Variants in CALN1 observed in about 807,000 individuals in gnomAD.
CALN1 encodes the protein calneuron 1, also known as calcium-binding protein 8.
CALN1 carries 17 observed loss-of-function variants against 30.6 expected under a neutral mutation model. The ratio of observed to expected loss-of-function variants is 0.56; its 90% CI spans 0.38 to 0.83. The LOEUF (loss-of-function observed/expected upper bound fraction) is 0.83, where lower values mean the gene tolerates loss of function less well. CALN1 is among the 40% of genes least tolerant of loss of function. The pLI, the probability that CALN1 is intolerant of heterozygous loss-of-function variation, is 0.00. For synonymous variants in CALN1, 156 were observed against 131.4 expected (o/e 1.19, Z -1.28); for missense variants, 291 against 354.9 (o/e 0.82, Z 1.45).
At chr7:71,972,572 T>C (rs146019017) in intron 5 of CALN1, among the ~76,000 whole-genome samples, 2 of 152,320 alleles carry the variant, frequency 1.3e-5, no homozygotes, top group Non-Finnish European at 2.9e-5. Context: ...TGGTATTTTG[T>C]CGCAAGTGAT....
At chr7:71,911,443 G>T (rs747442448) in intron 5 of CALN1, among the ~76,000 whole-genome samples, 7 of 152,098 alleles carry the variant, frequency 4.6e-5, no homozygotes, top group African/African-American at 1.7e-4. Context: ...ATGTCCTTTA[G>T]TTTGTTTGAG....
intron 1 of CALN1, among the ~76,000 whole-genome samples, chr7:72,409,762 T>C (rs1467466317): frequency 1.3e-5 from 2 of 152,080 alleles, no homozygotes; most frequent in African/African-American, 4.8e-5. Context: ...CATGGAACAG[T>C]GGTTCCCAGG....
At chr7:71,982,220 G>C (rs925755522) in intron 5 of CALN1, among the ~76,000 whole-genome samples, 2 of 152,126 alleles carry the variant, frequency 1.3e-5, no homozygotes, top group African/African-American at 4.8e-5. Flanking sequence ...AAAAAATCAA[G>C]AAAAAATGAA....
intron 5 of CALN1, among the ~76,000 whole-genome samples, chr7:71,885,847 G>A (rs369609244): frequency 2.0e-5 from 3 of 152,298 alleles, no homozygotes; most frequent in East Asian, 1.9e-4. Flanking sequence ...CCTCTTTGGG[G>A]AGAAATTCAC....
chr7:71,923,452 T>C (rs926756711), intron 5 of CALN1, among the ~76,000 whole-genome samples: 8 of 152,178 alleles, frequency 5.3e-5, no homozygotes, highest in Non-Finnish European at 8.8e-5. Context: ...AAAACATTTG[T>C]GATTCATCCA....
intron 3 of CALN1, among the ~76,000 whole-genome samples, chr7:72,217,558 T>C (rs969332278): frequency 1.3e-5 from 2 of 151,900 alleles, no homozygotes; most frequent in Non-Finnish European, 2.9e-5. Flanking sequence ...GATGAAGAAA[T>C]GGGCCAGAAA....
intron 3 of CALN1, among the ~76,000 whole-genome samples, chr7:72,169,781 C>T (rs1208122526): frequency 2.0e-5 from 3 of 150,838 alleles, no homozygotes; most frequent in Non-Finnish European, 4.4e-5. Context: ...CTTCCACCTC[C>T]TGGGTTCAAG....
At chr7:71,951,895 G>C (rs916810722) in intron 5 of CALN1, among the ~76,000 whole-genome samples, 1 of 151,720 alleles carries the variant, frequency 6.6e-6, no homozygotes, top group Non-Finnish European at 1.5e-5. Context: ...CTGATGTCTT[G>C]CACTTTTTCT....
At chr7:72,452,634 C>G in the CALN1 span, among the ~76,000 whole-genome samples, 8 of 152,190 alleles carry the variant, frequency 5.3e-5, no homozygotes, top group Non-Finnish European at 1.0e-4. Context: ...CCAAATAAAC[C>G]TTTTCTTTAT....
rs187081012 is a variant in CALN1 at position 72,212,080 on chromosome 7, C to T, written c.244+66606G>A. ...TTAAATACCAGAGAGGGGCCGGGCA[C>T]GGTGACTCATGCCTGTAATCCCAGC... On this transcript the variant is annotated intron_variant, in intron 3 of 6. Coordinates refer to ENST00000395275, the MANE Select transcript of CALN1 (RefSeq NM_031468.4). Among the ~76,000 whole-genome samples, 47 of 152,152 alleles carry T rather than the reference C, an allele frequency of 3.1e-4. No individual in the cohort carries two copies. The East Asian group carries it at 7.4e-3, about 24-fold the overall frequency.
At chr7:72,153,884 T>C (rs1787454582) in intron 3 of CALN1, among the ~76,000 whole-genome samples, 1 of 152,026 alleles carries the variant, frequency 6.6e-6, no homozygotes, top group Non-Finnish European at 1.5e-5. Flanking sequence ...GCTTTGGTGG[T>C]TAGAATGATT....
intron 3 of CALN1, among the ~76,000 whole-genome samples, chr7:72,187,163 T>C (rs565578087): frequency 5.9e-5 from 9 of 152,126 alleles, no homozygotes; most frequent in Non-Finnish European, 1.3e-4. Context: ...GACTCTTCTG[T>C]TTTTTGTGGG....
chr7:72,362,029 T>C (rs542314768), intron 2 of CALN1, among the ~76,000 whole-genome samples: 2 of 152,316 alleles, frequency 1.3e-5, no homozygotes, highest in Non-Finnish European at 2.9e-5. Context: ...GAGAGAAAAT[T>C]TCCTCATTAT....
chr7:72,403,139 C>T, intron 2 of CALN1, 112 bp downstream of exon 2: 1 of 715,934 alleles, frequency 1.4e-6, no homozygotes, highest in Non-Finnish European at 2.3e-6. Flanking sequence ...CATAGATTCT[C>T]CTCTCCAGCC....
chr7:72,262,924 A>G (rs1194957351), intron 3 of CALN1, among the ~76,000 whole-genome samples: 1 of 152,230 alleles, frequency 6.6e-6, no homozygotes, highest in Non-Finnish European at 1.5e-5. Context: ...GCTTAGAGCT[A>G]AGACACAAAG....
intron 4 of CALN1, among the ~76,000 whole-genome samples, chr7:72,103,871 G>A (rs1170462504): frequency 7.9e-5 from 12 of 152,108 alleles, no homozygotes; most frequent in African/African-American, 2.9e-4. Flanking sequence ...CAGCTTAGAA[G>A]GCTCCAAAGC....
At chr7:72,193,302 C>A (rs946488981) in intron 3 of CALN1, among the ~76,000 whole-genome samples, 7 of 152,042 alleles carry the variant, frequency 4.6e-5, no homozygotes, top group Non-Finnish European at 8.8e-5. Context: ...GAGATCGAGC[C>A]TGCAGTGAGC....
intron 5 of CALN1, among the ~76,000 whole-genome samples, chr7:71,825,138 A>G (rs1019239110): frequency 6.6e-6 from 1 of 151,754 alleles, no homozygotes; most frequent in African/African-American, 2.4e-5. Flanking sequence ...CCAACCATCA[A>G]CCTCCCACGG....
chr7:72,393,383 G>T (rs1805705704), intron 2 of CALN1, among the ~76,000 whole-genome samples: 1 of 152,162 alleles, frequency 6.6e-6, no homozygotes, highest in Non-Finnish European at 1.5e-5. Context: ...AGAATGGCGT[G>T]AACCTGGGAG....
Sources: allele counts gnomAD v4.1 joint callset (sites outside exome capture counted in the v4.1 genomes callset), GRCh38; gene constraint gnomAD v4.1.1; transcripts MANE v1.5; gene names NCBI Gene and HGNC (gene_info 2026-07-23, HGNC 2026-07-21).